Variants in CLEC12A observed in about 807,000 individuals in gnomAD.
CLEC12A encodes C-type lectin domain family 12 member A, also known as C-type lectin protein CLL-1.
CLEC12A carries 22 observed loss-of-function variants against 26.5 expected under a neutral mutation model. The ratio of observed to expected loss-of-function variants is 0.83; its 90% confidence interval spans 0.59 to 1.19. CLEC12A has a LOEUF of 1.19. CLEC12A is among the 50% of genes most tolerant of loss of function. The pLI, the probability that CLEC12A is intolerant of heterozygous loss-of-function variation, is 0.00. For synonymous variants in CLEC12A, 119 were observed against 101.9 expected, an observed-to-expected ratio of 1.17 and a Z score of -1.01; for missense variants, 353 against 315.6, an observed-to-expected ratio of 1.12 and a Z score of -0.90.
chr12:9,971,607 A>G lies in CLEC12A; in HGVS notation c.11A>G (p.Glu4Gly). MSE[E>G]VTYADLQFQN... ...TTTACATATTCATCAATGTCTGAAG[A>G]AGTTACTTATGCAGATCTTCAATTC... The change falls in exon 1 of 6, where the codon GAA becomes GGA. Residue 4 changes from glutamate to glycine, a missense_variant. Transcript: ENST00000304361. 1 of 1,606,134 alleles carries G rather than the reference A, an allele frequency of 6.2e-7. No individual in the cohort carries two copies. The highest frequency in any genetic ancestry group is 8.5e-7 in the Non-Finnish European group (1 of 1,176,560).
chr12:10,002,440 G>GTT, the CLEC12A span, among the ~76,000 whole-genome samples: 445 of 40,468 alleles, frequency 0.011, 76 homozygotes, highest in Non-Finnish European at 0.013. Flanking sequence ...GTTGGGTAAT[G>GTT]TTTTTTTTTT....
At position 9,979,481 on chromosome 12, in the gene CLEC12A, A is replaced by G; in HGVS notation, c.336A>G (p.Thr112=). Residue 112 remains threonine, a synonymous_variant, in exon 3 of 6, where the codon ACA becomes ACG. Transcript: ENST00000304361. ...GGAACCTCTCCACCACACTGCAAAC[A>G]ATAGCCACCAAATTATGTCGTGAGC... The part of the protein sequence containing the change: ...KIRNLSTTLQ[T]IATKLCRELY... 1 of 1,613,386 alleles carries G rather than the reference A, an allele frequency of 6.2e-7. No homozygotes were observed.
At chr12:9,980,557 A>G (rs1191200083) in intron 3 of CLEC12A, 25 bp from the exon 4 acceptor site, 1 of 1,605,678 alleles carries the variant, frequency 6.2e-7, no homozygotes, top group Non-Finnish European at 8.5e-7. Context: ...AACAAAACCC[A>G]AATAAAACTA....
At chr12:9,964,486 T>C (rs867888159) in intron 1 of CLEC12A, among the ~76,000 whole-genome samples, 8 of 151,826 alleles carry the variant, frequency 5.3e-5, no homozygotes, top group Non-Finnish European at 1.2e-4. Flanking sequence ...AGAATAAGAT[T>C]GAGTATAAAA....
rs184759536 is a variant in CLEC12A, at chr12:9,984,109, A to G, written c.642-761A>G. 26 of 232,724 alleles carry G rather than the reference A, an allele frequency of 1.1e-4. No homozygotes were observed. In the East Asian group the frequency reaches 1.2e-3, roughly 10 times the overall value. 14.4% of individuals were successfully genotyped at this position (232,724 alleles called of 1,614,324 possible). A position where few individuals can be genotyped will look rare whatever the true frequency, so the allele number is the denominator to read the frequency against. On this transcript the variant is annotated intron_variant, in intron 5 of 5. Coordinates refer to ENST00000304361, the MANE Select transcript of CLEC12A (RefSeq NM_138337.6). ...TAATAATTGTATGTATGATATATAT[A>G]TGTGTGTGTGTGTGTATATATATCT...
chr12:10,003,798 C>G, the CLEC12A span, among the ~76,000 whole-genome samples: 1 of 152,216 alleles, frequency 6.6e-6, no homozygotes, highest in East Asian at 1.9e-4. Context: ...CGCCTGTAGT[C>G]CCAGCTACTT....
intron 1 of CLEC12A, among the ~76,000 whole-genome samples, chr12:9,962,973 T>G (rs1440069498): frequency 6.6e-6 from 1 of 152,130 alleles, no homozygotes; most frequent in Non-Finnish European, 1.5e-5. Context: ...CCAGCGGGAT[T>G]AGGGGCGATG....
At chr12:9,955,295 G>T (rs1863725753) in intron 1 of CLEC12A, among the ~76,000 whole-genome samples, 1 of 152,054 alleles carries the variant, frequency 6.6e-6, no homozygotes, top group Non-Finnish European at 1.5e-5. Flanking sequence ...CACCATGTTA[G>T]CCAGGATGGT....
upstream of CLEC12A, among the ~76,000 whole-genome samples, chr12:9,969,056 A>T (rs1864039152): frequency 6.6e-6 from 1 of 152,196 alleles, no homozygotes; most frequent in South Asian, 2.1e-4. Context: ...AATGAATCTC[A>T]TGGAAGCAGA....
chr12:9,995,125 T>C (rs1865007210), exon 5 of CLEC12A: 1 of 1,610,528 alleles, frequency 6.2e-7, no homozygotes, highest in Non-Finnish European at 8.5e-7. Flanking sequence ...CTATTCTAAG[T>C]GTCCAGTGAC....
At chr12:9,998,279 T>TA, downstream of CLEC12A, 1 of 1,613,078 alleles carries the variant, frequency 6.2e-7, no homozygotes, top group South Asian at 1.1e-5. Context: ...AGTCAACACT[T>TA]ACACCAAATC....
rs1252524880 is a variant in CLEC12A at position 9,979,009 on chromosome 12, T to A, written c.135T>A (p.Phe45Leu). The part of the protein sequence containing the change: ...PSHVWRPAAL[F>L]LTLLCLLLLI... Reference sequence around the variant, plus strand: ...ATGTATGGCGTCCAGCAGCCTTGTTTCTGACTCTTCTGTGCCTTCTGTTGC... The same window carrying A: ...ATGTATGGCGTCCAGCAGCCTTGTTACTGACTCTTCTGTGCCTTCTGTTGC... Residue 45 changes from phenylalanine (F) to leucine (L), a missense_variant, in exon 2 of 6, where the codon TTT becomes TTA. Transcript: ENST00000304361. 6.2e-7 allele frequency: 1 copy of A among 1,614,004 alleles called. No homozygotes were observed. The highest frequency in any genetic ancestry group is 2.2e-5 in the East Asian group (1 of 44,882).
At chr12:9,996,602 C>G (rs963082346), downstream of CLEC12A, 3 of 397,284 alleles carry the variant, frequency 7.6e-6, no homozygotes, top group Non-Finnish European at 1.3e-5. Context: ...GTGTGACCCA[C>G]TATGTACCTG....
At chr12:9,977,227 G>T (rs77930894) in intron 1 of CLEC12A, among the ~76,000 whole-genome samples, 4,419 of 152,136 alleles carry the variant, frequency 0.029, 75 homozygotes, top group Non-Finnish European at 0.035. Flanking sequence ...ATTTATCCAT[G>T]GGTCATCAAA....
At chr12:9,966,009 A>T (rs1242684083) in intron 1 of CLEC12A, among the ~76,000 whole-genome samples, 2 of 152,128 alleles carry the variant, frequency 1.3e-5, no homozygotes, top group Non-Finnish European at 2.9e-5. Flanking sequence ...AGGAATAGTT[A>T]GGGAAGCAGA....
intron 4 of CLEC12A, chr12:9,991,770 T>C (rs150455067): frequency 6.6e-6 from 1 of 152,268 alleles, no homozygotes; most frequent in East Asian, 1.9e-4. Flanking sequence ...TATATAATCA[T>C]ATTAAATGAG....
In CLEC12A at chr12:9,993,134, C is replaced by G. The variant is rs758584854; in HGVS notation, n.1005-1884C>G. The G allele has an allele frequency of 1.2e-5, 19 of 1,605,876 alleles. No individual in the cohort carries two copies. The African/African-American group carries it at 1.7e-4, about 15-fold the overall frequency. ...CCCTTATCTGTGTTATCCTGTCCAC[C>G]TCTTTGCATTAAGGTAGTTGGTCCA... is the stretch of plus-strand genomic sequence containing the variant. On this transcript the variant is annotated intron_variant and non_coding_transcript_variant, in intron 4 of 4. Transcript: ENST00000449959.
intron 1 of CLEC12A, chr12:9,952,165 C>G (rs528792193): frequency 1.8e-5 from 2 of 114,196 alleles, no homozygotes; most frequent in African/African-American, 6.4e-5. Context: ...CTCCCTCTCC[C>G]TCTCCGTCTC....
intron 1 of CLEC12A, among the ~76,000 whole-genome samples, chr12:9,977,959 C>T (rs1004056365): frequency 6.6e-6 from 1 of 152,048 alleles, no homozygotes; most frequent in Non-Finnish European, 1.5e-5. Context: ...AGAAAGATAG[C>T]ACTGGCATTT....
Sources: allele counts gnomAD v4.1 joint callset (sites outside exome capture counted in the v4.1 genomes callset), GRCh38; gene constraint gnomAD v4.1.1; transcripts MANE v1.5; gene names NCBI Gene and HGNC (gene_info 2026-07-23, HGNC 2026-07-21).